The following RAP1GAP2 variants were observed in gnomAD, a reference collection of about 807,000 sequenced individuals.
The protein encoded by RAP1GAP2 is RAP1 GTPase activating protein 2, also known as rap1 GTPase-activating protein 2.
A neutral mutation model predicts 95.0 loss-of-function variants in RAP1GAP2; 27 were observed. That is an observed-to-expected ratio of 0.28 (90% CI 0.21 to 0.39). The LOEUF (loss-of-function observed/expected upper bound fraction) is 0.39, where lower values mean the gene tolerates loss of function less well. Among genes scored for constraint, RAP1GAP2 ranks in the 10% least tolerant of loss-of-function variants. RAP1GAP2 has a pLI of 1.00. For synonymous variants in RAP1GAP2, 373 were observed against 380.9 expected (o/e 0.98, Z 0.24); for missense variants, 771 against 970.0 (o/e 0.79, Z 2.72).
chr17:2,907,555 G>GT (rs776199942), intron 3 of RAP1GAP2, among the ~76,000 whole-genome samples: 1 of 152,244 alleles, frequency 6.6e-6, no homozygotes, highest in Non-Finnish European at 1.5e-5. Context: ...GGAACGTAAG[G>GT]TTAGGAGGTG....
intron 3 of RAP1GAP2, among the ~76,000 whole-genome samples, chr17:2,943,449 G>C (rs141094948): frequency 0.024 from 3,612 of 152,186 alleles, 147 homozygotes; most frequent in African/African-American, 0.079. Context: ...GAAGCAGGCA[G>C]ATCATCTGAG....
At chr17:2,913,059 T>G (rs1163645040) in intron 3 of RAP1GAP2, among the ~76,000 whole-genome samples, 1 of 152,002 alleles carries the variant, frequency 6.6e-6, no homozygotes, top group Admixed American at 6.6e-5. Flanking sequence ...ATGCCTATAG[T>G]CCCAGCTACT....
chr17:2,905,317 C>T lies in RAP1GAP2; in HGVS notation c.114C>T (p.Thr38=), dbSNP rs756066519. The part of the protein sequence containing the change: ...KQELANSSDA[T]LPDRPLSPPL... ...AGCTGGCCAACAGCTCGGATGCGAC[C>T]CTCCCAGACCGGCCGCTCTCCCCTC... Residue 38 remains threonine, a synonymous_variant, in exon 3 of 25, where the codon ACC becomes ACT. Coordinates refer to ENST00000254695, the MANE Select transcript of RAP1GAP2 (RefSeq NM_015085.5). The T allele has an allele frequency of 2.7e-5, 43 of 1,613,672 alleles. No homozygotes were observed. Among genetic ancestry groups the T allele is most frequent in the African/African-American group, 6.7e-5 (5 of 74,930 alleles).
chr17:2,863,244 A>T (rs1379915108), intron 2 of RAP1GAP2, among the ~76,000 whole-genome samples: 1 of 152,174 alleles, frequency 6.6e-6, no homozygotes. Context: ...CCTTCCAGGC[A>T]GACTAGTGGG....
At chr17:2,882,731 G>A (rs150471545) in intron 2 of RAP1GAP2, among the ~76,000 whole-genome samples, 2 of 152,294 alleles carry the variant, frequency 1.3e-5, no homozygotes, top group Admixed American at 6.5e-5. Context: ...GCTGGGATGC[G>A]GGTGCCGTTG....
intron 8 of RAP1GAP2, among the ~76,000 whole-genome samples, chr17:2,967,139 C>T (rs528648675): frequency 1.3e-4 from 20 of 152,154 alleles, no homozygotes; most frequent in South Asian, 8.3e-4. Flanking sequence ...GAGGTCAAGG[C>T]GGGTGGATCA....
rs1597335886 is a variant in RAP1GAP2 at position 2,801,944 on chromosome 17, G to T, written c.80+1394G>T. On this transcript the variant is annotated intron_variant, in intron 2 of 24. Coordinates refer to ENST00000254695, the MANE Select transcript of RAP1GAP2 (RefSeq NM_015085.5). ...TTGAGACTTAACCAAAGTGTAGCCT[G>T]CGTCCAGCTGCACCCCTCCCATGAG... Among the ~76,000 whole-genome samples the T allele has an allele frequency of 2.0e-5, 3 of 152,176 alleles. No individual in the cohort carries two copies. In the East Asian group the frequency reaches 5.8e-4, roughly 29 times the overall value.
At chr17:2,796,306 T>A, upstream of RAP1GAP2, 2 of 573,144 alleles carry the variant, frequency 3.5e-6, no homozygotes, top group Non-Finnish European at 6.3e-6. The surrounding 1 kb of genome is among the most constrained non-coding windows in gnomAD (Gnocchi z 4.7). Flanking sequence ...CTCCACAACC[T>A]CCTCGGCCTA....
At chr17:2,826,515 C>T (rs995779185) in intron 2 of RAP1GAP2, among the ~76,000 whole-genome samples, 4 of 151,700 alleles carry the variant, frequency 2.6e-5, no homozygotes, top group Admixed American at 1.3e-4. Flanking sequence ...ATGGGGGAAC[C>T]GCCTGTCTCC....
At chr17:2,865,713 G>C (rs2072588029) in intron 2 of RAP1GAP2, among the ~76,000 whole-genome samples, 1 of 152,168 alleles carries the variant, frequency 6.6e-6, no homozygotes, top group African/African-American at 2.4e-5. Context: ...TGGCCAGAAG[G>C]TCCCCCAAGG....
chr17:2,933,283 C>T (rs1216155008), intron 3 of RAP1GAP2, among the ~76,000 whole-genome samples: 6 of 150,746 alleles, frequency 4.0e-5, no homozygotes, highest in Admixed American at 1.3e-4. Context: ...GACACCTGCC[C>T]GCCAGGGCCA....
At chr17:2,859,077 T>C (rs1246437286) in intron 2 of RAP1GAP2, among the ~76,000 whole-genome samples, 2 of 152,004 alleles carry the variant, frequency 1.3e-5, no homozygotes, top group Non-Finnish European at 2.9e-5. Context: ...TGATGGGTGA[T>C]GTGTCTCTTA....
At chr17:2,765,477 C>T (rs572908344) in intron 1 of RAP1GAP2, among the ~76,000 whole-genome samples, 121 of 152,228 alleles carry the variant, frequency 7.9e-4, no homozygotes, top group African/African-American at 2.8e-3. Context: ...CGGTGGCTCA[C>T]GCCTGTAATC....
intron 2 of RAP1GAP2, among the ~76,000 whole-genome samples, chr17:2,828,322 C>CAG (rs1282357352): frequency 2.0e-5 from 3 of 146,836 alleles, no homozygotes; most frequent in Admixed American, 1.4e-4. Flanking sequence ...ACCTGGGCGA[C>CAG]AGTGAGACTC....
chr17:2,819,427 T>C (rs1180885212), intron 2 of RAP1GAP2, among the ~76,000 whole-genome samples: 8 of 151,806 alleles, frequency 5.3e-5, no homozygotes. Context: ...GTGATTCTCT[T>C]GCATCAGCCT....
rs186344420 is a variant in RAP1GAP2 at position 3,019,866 on chromosome 17, C to T, written c.1633-611C>T. Among the ~76,000 whole-genome samples, 3 of 152,334 alleles carry T rather than the reference C, an allele frequency of 2.0e-5. No individual in the cohort carries two copies. In the East Asian group the frequency reaches 5.8e-4, roughly 29 times the overall value. On this transcript the variant is annotated intron_variant, in intron 18 of 24. Coordinates refer to ENST00000254695, the MANE Select transcript of RAP1GAP2 (RefSeq NM_015085.5). ...TTGGTTCCAGGCTCCCATCTGCCCT[C>T]CTCAAACCCCCACCACTCATTGTCC... is the stretch of plus-strand genomic sequence containing the variant.
chr17:2,926,977 GC>G (rs1450595674), intron 3 of RAP1GAP2, among the ~76,000 whole-genome samples: 1 of 128,688 alleles, frequency 7.8e-6, no homozygotes, highest in African/African-American at 3.1e-5. Flanking sequence ...CTGCACTCCA[GC>G]CTGGGGAACA....
chr17:3,017,922 T>TGTGTGTGTGG, intron 17 of RAP1GAP2, 139 bp from the exon 18 acceptor site: 1 of 720,092 alleles, frequency 1.4e-6, no homozygotes. Flanking sequence ...TGACCGTGTG[T>TGTGTGTGTGG]GTGTGTGTGT....
intron 2 of RAP1GAP2, among the ~76,000 whole-genome samples, chr17:2,810,023 CCT>C (rs1491504288): frequency 0.13 from 12,417 of 96,634 alleles, 1,228 homozygotes; most frequent in African/African-American, 0.21. Flanking sequence ...GGGACCCTCC[CCT>C]CCCCCCGCCC....
Sources: gnomAD v4.1 joint callset for allele counts (sites outside exome capture counted in the v4.1 genomes callset) on GRCh38, gnomAD v4.1.1 for gene constraint, Gnocchi (gnomAD v3.1) non-coding constraint, MANE v1.5 for transcripts, NCBI Gene and HGNC (gene_info 2026-07-23, HGNC 2026-07-21) for gene names.